GAD2: variants seen among roughly 807,000 people sequenced by gnomAD.
GAD2 encodes the protein glutamate decarboxylase 2, also known as 65 kDa glutamic acid decarboxylase.
In GAD2, 22 loss-of-function variants were observed where a neutral mutation model predicts 80.1. That is an observed-to-expected ratio of 0.27 (90% CI 0.20 to 0.39). The LOEUF (loss-of-function observed/expected upper bound fraction) is 0.39, where lower values mean the gene tolerates loss of function less well. GAD2 is among the 10% of genes least tolerant of loss of function. The pLI is 1.00. For missense variants in GAD2, 624 were observed against 738.4 expected (o/e 0.85, Z 1.80); for synonymous variants, 274 against 256.9 (o/e 1.07, Z -0.64).
chr10:26,297,693 GGA>G (rs1400488768), intron 15 of GAD2, among the ~76,000 whole-genome samples: 2 of 152,192 alleles, frequency 1.3e-5, no homozygotes, highest in Non-Finnish European at 2.9e-5. Context: ...ATAGTAGAAA[GGA>G]GAGCTTTATT....
At chr10:26,220,868 A>G (rs1022044420) in intron 4 of GAD2, among the ~76,000 whole-genome samples, 4 of 152,232 alleles carry the variant, frequency 2.6e-5, no homozygotes, top group African/African-American at 9.6e-5. Flanking sequence ...AGTTCTGTCT[A>G]TCAACGTTGC....
At chr10:26,221,659 C>G (rs771588022) in intron 4 of GAD2, among the ~76,000 whole-genome samples, 1 of 152,190 alleles carries the variant, frequency 6.6e-6, no homozygotes, top group Non-Finnish European at 1.5e-5. Context: ...AGCACAGGGT[C>G]AGAGTTGCCT....
chr10:26,252,312 T>C (rs1844888973), intron 8 of GAD2, among the ~76,000 whole-genome samples: 1 of 152,130 alleles, frequency 6.6e-6, no homozygotes, highest in Non-Finnish European at 1.5e-5. Context: ...CAATGCTGCA[T>C]GTGGAGGAAG....
intron 15 of GAD2, 32 bp downstream of exon 15, chr10:26,293,023 T>C: frequency 6.5e-7 from 1 of 1,527,084 alleles, no homozygotes; most frequent in Non-Finnish European, 9.1e-7. Flanking sequence ...GATACATGTG[T>C]GTATTGAGCC....
chr10:26,251,277 T>G (rs989320393), intron 8 of GAD2, among the ~76,000 whole-genome samples: 13 of 152,076 alleles, frequency 8.5e-5, no homozygotes, highest in African/African-American at 2.7e-4. Context: ...CTTAACTGTA[T>G]AACATTTTAC....
intron 3 of GAD2, 75 bp from the exon 4 acceptor site, chr10:26,218,968 A>G: frequency 9.2e-7 from 1 of 1,088,062 alleles, no homozygotes; most frequent in Non-Finnish European, 1.3e-6. Flanking sequence ...AAGAAATGTT[A>G]TTGCCTCATC....
At chr10:26,229,924 A>C in intron 7 of GAD2, 147 bp downstream of exon 7, 1 of 613,798 alleles carries the variant, frequency 1.6e-6, no homozygotes, top group Non-Finnish European at 2.9e-6. Flanking sequence ...GAGTGGTACT[A>C]TGGGGTGTCC....
At chr10:26,219,353 G>T (rs1589135804) in intron 4 of GAD2, 77 bp downstream of exon 4, 2 of 912,642 alleles carry the variant, frequency 2.2e-6, no homozygotes, top group East Asian at 2.7e-5. Flanking sequence ...AAAATGTTTT[G>T]TTTGATGGAG....
chr10:26,270,325 C>T (rs1845120085), intron 9 of GAD2, among the ~76,000 whole-genome samples: 1 of 152,004 alleles, frequency 6.6e-6, no homozygotes, highest in South Asian at 2.1e-4. Context: ...TTAAAAGGGC[C>T]AGAAAGTCTA....
At position 26,225,316 on chromosome 10, in the gene GAD2, C is replaced by G. The variant is rs1358853106; in HGVS notation, c.724+665C>G. On this transcript the variant is annotated intron_variant, in intron 6 of 15. Coordinates refer to ENST00000376261, the MANE Select transcript of GAD2 (RefSeq NM_001134366.2). ...GCTCCATTACTTAGACCTCTTCCAG[C>G]CAAGAGAATCAACCTGAAACAAAAA... 3.9e-5 allele frequency among the ~76,000 whole-genome samples: 6 copies of G among 152,312 alleles called. No individual in the cohort carries two copies. In the South Asian group the frequency reaches 1.2e-3, roughly 32 times the overall value.
At chr10:26,252,164 T>C (rs1004069263) in intron 8 of GAD2, among the ~76,000 whole-genome samples, 1 of 152,190 alleles carries the variant, frequency 6.6e-6, no homozygotes, top group African/African-American at 2.4e-5. Context: ...TTCTTGTAGT[T>C]ACCCGTTCCT....
chr10:26,250,269 C>G (rs1450477883), intron 8 of GAD2, among the ~76,000 whole-genome samples: 2 of 152,180 alleles, frequency 1.3e-5, no homozygotes, highest in Non-Finnish European at 2.9e-5. Context: ...TCTCATCTCA[C>G]TCTCCCAAGT....
At chr10:26,244,942 A>G (rs191568045) in intron 7 of GAD2, among the ~76,000 whole-genome samples, 4,277 of 152,204 alleles carry the variant, frequency 0.028, 183 homozygotes, top group African/African-American at 0.097. Context: ...ACCTGAGGTC[A>G]GGAGTTTGAG....
intron 8 of GAD2, among the ~76,000 whole-genome samples, chr10:26,257,651 A>G (rs1844960216): frequency 6.6e-6 from 1 of 152,208 alleles, no homozygotes. Flanking sequence ...ACTAGTAGGT[A>G]TTAGCTACTA....
rs142365841 is a variant in GAD2 at position 26,289,143 on chromosome 10, T to C, written c.1386+2649T>C. Among the ~76,000 whole-genome samples, 360 of 152,154 alleles carry C rather than the reference T, an allele frequency of 2.4e-3. 2 individuals are homozygous for C. The highest frequency in any genetic ancestry group is 8.3e-3 in the African/African-American group (344 of 41,514). ...AATAAGCTAAGTCCTACAATCTAGA[T>C]CAAAGGTGAGGAAAATTGTACTCTC... On this transcript the variant is annotated intron_variant, in intron 13 of 15. Transcript: ENST00000376261.
intron 12 of GAD2, among the ~76,000 whole-genome samples, chr10:26,282,508 C>T (rs1845282888): frequency 6.6e-6 from 1 of 151,932 alleles, no homozygotes; most frequent in Non-Finnish European, 1.5e-5. Context: ...CTCATATATA[C>T]ATGTTGATTC....
intron 7 of GAD2, among the ~76,000 whole-genome samples, chr10:26,234,678 A>C (rs561663574): frequency 1.4e-4 from 22 of 152,276 alleles, no homozygotes; most frequent in African/African-American, 4.3e-4. Context: ...CTGGGAAAGG[A>C]AAGTCATATT....
intron 13 of GAD2, among the ~76,000 whole-genome samples, chr10:26,292,020 G>T (rs1834220702): frequency 6.6e-6 from 1 of 152,162 alleles, no homozygotes; most frequent in African/African-American, 2.4e-5. Context: ...CAGGTACACT[G>T]GCAGACAAAG....
chr10:26,216,553 C>T (rs1844372777), upstream of GAD2: 1 of 343,810 alleles, frequency 2.9e-6, no homozygotes, highest in Admixed American at 5.2e-5. This position sits in a 1 kb window ranked among gnomAD's most constrained non-coding sequence, Gnocchi z 4.7. Flanking sequence ...TTAGGTAGTC[C>T]CGGTCTCTTT....
Sources: allele counts gnomAD v4.1 joint callset (sites outside exome capture counted in the v4.1 genomes callset), GRCh38; gene constraint gnomAD v4.1.1; non-coding constraint Gnocchi (gnomAD v3.1); transcripts MANE v1.5; gene names NCBI Gene and HGNC (gene_info 2026-07-23, HGNC 2026-07-21).